ABAT: variants seen among roughly 807,000 people sequenced by gnomAD.
ABAT encodes the protein 4-aminobutyrate aminotransferase.
A neutral mutation model predicts 64.6 loss-of-function variants in ABAT; 45 were observed. That is an observed-to-expected ratio of 0.70 (90% CI 0.55 to 0.89). The LOEUF (loss-of-function observed/expected upper bound fraction) is 0.89. ABAT is among the 40% of genes least tolerant of loss of function. The pLI is 0.00. For synonymous variants in ABAT, 297 were observed against 250.5 expected, an observed-to-expected ratio of 1.19 and a Z score of -1.75; for missense variants, 633 against 658.4, an observed-to-expected ratio of 0.96 and a Z score of 0.42.
At chr16:8,744,264 C>T (rs1596449337) in intron 2 of ABAT, among the ~76,000 whole-genome samples, 2 of 152,190 alleles carry the variant, frequency 1.3e-5, no homozygotes, top group Middle Eastern at 6.8e-3. Flanking sequence ...TGCTCAGCTT[C>T]TGGGGAGGCC....
rs1459583266 is a variant in ABAT, at chr16:8,763,842, A to G, written c.367-227A>G. ...TAGCATCCTATATAACGCCAATGCA[A>G]TATGGCAACCAGGACACTGACCCTT... On this transcript the variant is annotated intron_variant, in intron 6 of 15. Coordinates refer to ENST00000268251, the MANE Select transcript of ABAT (RefSeq NM_020686.6). Among the ~76,000 whole-genome samples the G allele has an allele frequency of 2.6e-5, 4 of 152,246 alleles. No homozygotes were observed. In the East Asian group the frequency reaches 7.7e-4, roughly 29 times the overall value.
intron 1 of ABAT, among the ~76,000 whole-genome samples, chr16:8,733,490 G>T (rs546848382): frequency 3.2e-4 from 49 of 152,008 alleles, no homozygotes; most frequent in African/African-American, 1.2e-3. Context: ...CGGCTGGGAG[G>T]TGGAGGTTGT....
chr16:8,780,865 C>A (rs755343998), intron 15 of ABAT: 1 of 372,756 alleles, frequency 2.7e-6, no homozygotes, highest in African/African-American at 2.1e-5. Context: ...GTCCCTCCTC[C>A]GTAATAGCTC....
chr16:8,732,636 C>G (rs1158662481), intron 1 of ABAT, among the ~76,000 whole-genome samples: 5 of 151,548 alleles, frequency 3.3e-5, no homozygotes, highest in Admixed American at 1.3e-4. Context: ...TACACAGACA[C>G]GGCAACCATC....
At chr16:8,739,193 G>A (rs191142586) in intron 2 of ABAT, among the ~76,000 whole-genome samples, 12 of 152,264 alleles carry the variant, frequency 7.9e-5, no homozygotes, top group Admixed American at 3.9e-4. Flanking sequence ...GCCTGGTGGC[G>A]CATGTGGCAC....
intron 2 of ABAT, among the ~76,000 whole-genome samples, chr16:8,740,909 G>A (rs1397237996): frequency 6.6e-6 from 1 of 152,214 alleles, no homozygotes; most frequent in African/African-American, 2.4e-5. Flanking sequence ...TAACAGAAAA[G>A]CAGAGCAAAC....
chr16:8,690,542 G>T (rs1384446684), intron 1 of ABAT, among the ~76,000 whole-genome samples: 1 of 152,042 alleles, frequency 6.6e-6, no homozygotes, highest in Admixed American at 6.6e-5. Context: ...GGAATTTTAC[G>T]TACAGAATGA....
Position 8,781,293 on chromosome 16 carries a change from C to T in ABAT, c.1382-16C>T. 2 of 1,613,992 alleles carry T rather than the reference C, an allele frequency of 1.2e-6. No homozygotes were observed. The highest frequency in any genetic ancestry group is 1.1e-5 in the South Asian group (1 of 91,068). On this transcript the variant is annotated splice_polypyrimidine_tract_variant and intron_variant, in intron 15 of 15. Coordinates refer to ENST00000268251, the MANE Select transcript of ABAT (RefSeq NM_020686.6). The surrounding 1 kb of genome is among the most constrained non-coding windows in gnomAD (Gnocchi z 4.5). ...TTGAGAAACCACGCTCCTCACCTAC[C>T]TCCTGCCTCTTTCAGGTGTGGTGTT...
intron 1 of ABAT, among the ~76,000 whole-genome samples, chr16:8,732,736 G>T (rs921870606): frequency 2.0e-5 from 3 of 150,730 alleles, no homozygotes; most frequent in Admixed American, 6.6e-5. Flanking sequence ...GAGCTGTCGG[G>T]CACACCTCCC....
At chr16:8,687,983 C>T (rs4442807) in intron 1 of ABAT, among the ~76,000 whole-genome samples, 121 of 152,174 alleles carry the variant, frequency 8.0e-4, no homozygotes, top group African/African-American at 2.7e-3. Context: ...ACTGCAGCCT[C>T]GGCCTCTAGG....
chr16:8,776,307 G>A lies in ABAT; in HGVS notation c.1123-37G>A, dbSNP rs1311441590. Reference sequence around the variant, plus strand: ...TAAGTGACTCCTGCAGGGTGTGCATGTGTGTGAAGCCTTCCAACACCCGTT... The same window carrying A: ...TAAGTGACTCCTGCAGGGTGTGCATATGTGTGAAGCCTTCCAACACCCGTT... On this transcript the variant is annotated intron_variant, in intron 13 of 15. Coordinates refer to ENST00000268251, the MANE Select transcript of ABAT (RefSeq NM_020686.6). The surrounding 1 kb of genome is among the most constrained non-coding windows in gnomAD (Gnocchi z 4.4). 4 of 1,613,884 alleles carry A rather than the reference G, an allele frequency of 2.5e-6. No homozygotes were observed. The highest frequency in any genetic ancestry group is 1.1e-5 in the South Asian group (1 of 91,068).
Position 8,754,225 on chromosome 16 carries a change from CAT to C in ABAT, c.317-3530_317-3529del, listed in dbSNP as rs1388401828. 1.4e-4 allele frequency among the ~76,000 whole-genome samples: 18 copies of C among 131,546 alleles called. 1 individual carries two copies. Among genetic ancestry groups the C allele is most frequent in the Non-Finnish European group, 2.4e-4 (15 of 63,316 alleles). 86.3% of individuals were successfully genotyped at this position (131,546 alleles called of 152,430 possible). On this transcript the variant is annotated intron_variant, in intron 5 of 15. Coordinates refer to ENST00000268251, the MANE Select transcript of ABAT (RefSeq NM_020686.6). The stretch of plus-strand genomic sequence containing the variant: ...AAAAAATTAGCCGGGCATGGTGGTG[CAT>C]ACCTGTAATCCCAGCTATTCGGGAG...
chr16:8,749,392 T>G (rs1481309591), intron 4 of ABAT, among the ~76,000 whole-genome samples: 1 of 96,026 alleles, frequency 1.0e-5, no homozygotes. Context: ...CGGCCTTTTT[T>G]TTTTTTTTTT....
intron 8 of ABAT, among the ~76,000 whole-genome samples, chr16:8,765,396 GCTCACA>G (rs1410564489): frequency 6.6e-6 from 1 of 151,662 alleles, no homozygotes; most frequent in Non-Finnish European, 1.5e-5. Context: ...GGGCACAGTG[GCTCACA>G]CTTGTAATCC....
chr16:8,765,074 G>A (rs1018302450), intron 8 of ABAT, among the ~76,000 whole-genome samples: 21 of 152,234 alleles, frequency 1.4e-4, no homozygotes, highest in African/African-American at 3.9e-4. Flanking sequence ...GTTCACACCT[G>A]TAATCCCAAC....
At chr16:8,754,083 C>T (rs1421504557) in intron 5 of ABAT, among the ~76,000 whole-genome samples, 1 of 150,024 alleles carries the variant, frequency 6.7e-6, no homozygotes, top group Admixed American at 6.7e-5. Flanking sequence ...CAGTGGCTCA[C>T]GCCTGTAATC....
intron 1 of ABAT, among the ~76,000 whole-genome samples, chr16:8,728,616 C>T (rs1263462025): frequency 6.6e-6 from 1 of 152,192 alleles, no homozygotes; most frequent in African/African-American, 2.4e-5. Flanking sequence ...TGGCTCACAC[C>T]TGTAATTCCA....
intron 9 of ABAT, 110 bp downstream of exon 9, chr16:8,766,380 C>A: frequency 2.8e-6 from 3 of 1,057,588 alleles, no homozygotes; most frequent in Non-Finnish European, 4.3e-6. Flanking sequence ...CCAGGCCAGG[C>A]GCGGTGGCTC....
chr16:8,753,991 A>T (rs552080366), intron 5 of ABAT, among the ~76,000 whole-genome samples: 1 of 152,054 alleles, frequency 6.6e-6, no homozygotes, highest in Non-Finnish European at 1.5e-5. Context: ...GGCAGGCAAC[A>T]GAAAGATTGT....
Sources: allele counts gnomAD v4.1 joint callset (sites outside exome capture counted in the v4.1 genomes callset), GRCh38; gene constraint gnomAD v4.1.1; non-coding constraint Gnocchi (gnomAD v3.1); transcripts MANE v1.5; gene names NCBI Gene and HGNC (gene_info 2026-07-23, HGNC 2026-07-21).